FHDC1: variants seen among roughly 807,000 people sequenced by gnomAD.
FHDC1 encodes the protein FH2 domain-containing protein 1.
Under a neutral mutation model 52.6 loss-of-function variants are expected in FHDC1, and 25 were observed. The observed-to-expected ratio is 0.48, with a 90% CI of 0.35 to 0.66. The LOEUF is 0.66. FHDC1 is among the 30% of genes least tolerant of loss of function. The pLI is 0.01. For synonymous variants in FHDC1, 616 were observed against 581.5 expected (o/e 1.06, Z -0.85); for missense variants, 1,459 against 1,452.8 (o/e 1.00, Z -0.07).
In FHDC1 at chr4:152,967,977, T is replaced by C; in HGVS notation, c.1101-3T>C. The C allele has an allele frequency of 6.2e-7, 1 of 1,610,512 alleles. No homozygotes were observed. The highest frequency in any genetic ancestry group is 8.5e-7 in the Non-Finnish European group (1 of 1,178,348). Reference sequence around the variant, plus strand: ...CTGCCCACTCTCCCCTTTCTTCTTTTAGATTATCTCTGGAGAACACGGAGG... The same window carrying C: ...CTGCCCACTCTCCCCTTTCTTCTTTCAGATTATCTCTGGAGAACACGGAGG... On this transcript the variant is annotated splice_region_variant and splice_polypyrimidine_tract_variant and intron_variant, in intron 9 of 11. Transcript: ENST00000511601.
chr4:152,942,909 A>G lies in FHDC1; in HGVS notation c.-130-19A>G, dbSNP rs1484959509. The G allele has an allele frequency of 7.5e-6, 6 of 795,932 alleles. No individual in the cohort carries two copies. The Admixed American group carries it at 1.8e-4, about 24-fold the overall frequency. The allele number at this position is 795,932 out of a possible 1,614,324, so 49.3% of individuals were successfully genotyped here. A position where few individuals can be genotyped will look rare whatever the true frequency, so the allele number is the denominator to read the frequency against. On this transcript the variant is annotated intron_variant, in intron 1 of 11. Transcript: ENST00000511601. Reference sequence around the variant, plus strand: ...ACTGTTTGTCTGTAACTGATTTGATATTTATTTTATCTTGCTAGGTTTGGA... The same window carrying G: ...ACTGTTTGTCTGTAACTGATTTGATGTTTATTTTATCTTGCTAGGTTTGGA...
intron 2 of FHDC1, among the ~76,000 whole-genome samples, chr4:152,950,866 A>G (rs1324524524): frequency 6.6e-6 from 1 of 152,062 alleles, no homozygotes; most frequent in Non-Finnish European, 1.5e-5. Context: ...AAAAGGAGTC[A>G]GAGAGAACCA....
At chr4:152,927,659 C>A in the FHDC1 span, 14 of 1,592,894 alleles carry the variant, frequency 8.8e-6, no homozygotes, top group Non-Finnish European at 1.2e-5. Flanking sequence ...GTATGAGGAA[C>A]AGTTCAAATT....
At position 152,972,444 on chromosome 4, in the gene FHDC1, T is replaced by C; in HGVS notation, c.1286T>C (p.Leu429Pro). The change falls in exon 11 of 12, where the codon CTT becomes CCT. Residue 429 changes from leucine (L) to proline (P), a missense_variant. Leu to Pro is a moderately conservative substitution (Grantham distance 98). Coordinates refer to ENST00000511601, the MANE Select transcript of FHDC1 (RefSeq NM_001371116.1). ...GAGCTCCAGGATGAGGCCTACACCCTTATAGATTTTTTCTGTGAAGACAAA... is the reference window on the plus strand; with the variant it reads ...GAGCTCCAGGATGAGGCCTACACCCCTATAGATTTTTTCTGTGAAGACAAA... ...KQELQDEAYTLIDFFCEDKKT... is the reference protein window; with the variant it reads ...KQELQDEAYTPIDFFCEDKKT... 2.5e-6 allele frequency: 4 copies of C among 1,614,018 alleles called. No individual in the cohort carries two copies. Among genetic ancestry groups the C allele is most frequent in the Non-Finnish European group, 3.4e-6 (4 of 1,179,980 alleles).
the FHDC1 span, chr4:152,912,214 T>C: frequency 6.6e-6 from 1 of 152,238 alleles, no homozygotes; most frequent in African/African-American, 2.4e-5. Context: ...AAGAAAAAAG[T>C]AAATCAATAT....
the FHDC1 span, among the ~76,000 whole-genome samples, chr4:152,924,521 A>G: frequency 6.6e-6 from 1 of 152,202 alleles, no homozygotes; most frequent in East Asian, 1.9e-4. Flanking sequence ...TATATATCCA[A>G]AGGACTATAA....
At chr4:152,946,117 G>A (rs891834639) in intron 2 of FHDC1, among the ~76,000 whole-genome samples, 1 of 152,118 alleles carries the variant, frequency 6.6e-6, no homozygotes, top group African/African-American at 2.4e-5. Context: ...TTGTTTATCC[G>A]CTCATCTGTT....
the FHDC1 span, among the ~76,000 whole-genome samples, chr4:152,930,999 T>A: frequency 0.35 from 30,741 of 88,622 alleles, 2,844 homozygotes; most frequent in Admixed American, 0.43. Flanking sequence ...ACACACACAC[T>A]CTCTCTCTCT....
chr4:152,976,103 G>C lies in FHDC1; in HGVS notation c.2812G>C (p.Val938Leu), dbSNP rs1216383327. The change falls in exon 12 of 12, where the codon GTG becomes CTG. Residue 938 changes from valine to leucine, a missense_variant. Val to Leu is a conservative substitution (Grantham distance 32, BLOSUM62 1). Coordinates refer to ENST00000511601, the MANE Select transcript of FHDC1 (RefSeq NM_001371116.1). ...GAATCCCCCCAGCAGCACAGATACT[G>C]TGTGGTCACGCCAGAACTCCGTGCG... is the stretch of plus-strand genomic sequence containing the variant. ...SQNPPSSTDT[V>L]WSRQNSVRRA... The C allele has an allele frequency of 1.2e-6, 2 of 1,610,502 alleles. No homozygotes were observed. The highest frequency in any genetic ancestry group is 3.4e-5 in the Admixed American group (2 of 59,664).
At chr4:152,954,687 TA>T (rs1185602544) in intron 4 of FHDC1, among the ~76,000 whole-genome samples, 6 of 148,654 alleles carry the variant, frequency 4.0e-5, no homozygotes, top group Admixed American at 6.7e-5. Flanking sequence ...AATCTGTCTC[TA>T]AAAAAAAAAG....
In FHDC1 at chr4:152,943,234, T is replaced by TC; in HGVS notation, c.179dup (p.Pro61ThrfsTer33). On this transcript the variant is annotated frameshift_variant, in exon 2 of 12. Transcript: ENST00000511601. LOFTEE classifies it high-confidence loss of function. ...GGGAAGAGTGTCCTTCCTCCCCTCC[T>TC]CCACCCCCACCACCTCCACTTCCTG... is the stretch of plus-strand genomic sequence containing the variant. The TC allele has an allele frequency of 4.3e-5, 48 of 1,107,436 alleles. No homozygotes were observed. Among genetic ancestry groups the TC allele is most frequent in the Middle Eastern group, 2.7e-4 (1 of 3,692 alleles). The allele number at this position is 1,107,436 out of a possible 1,614,324, so 68.6% of individuals were successfully genotyped here.
Position 152,976,020 on chromosome 4 carries a change from A to G in FHDC1, c.2729A>G (p.Lys910Arg). The G allele has an allele frequency of 1.9e-6, 3 of 1,553,250 alleles. No individual in the cohort carries two copies. Among genetic ancestry groups the G allele is most frequent in the Non-Finnish European group, 2.6e-6 (3 of 1,154,276 alleles). Residue 910 changes from lysine (K) to arginine (R), a missense_variant, in exon 12 of 12, where the codon AAG (lysine) becomes AGG (arginine). Around this residue, in one of 3 missense-constraint regions of FHDC1, gnomAD observed 939 missense variants for 854.5 expected, o/e 1.10. Transcript: ENST00000511601. ...ATGCGCAAGGTCATGCCCATCACCAAGTCCAGCAGAGGCGCCGGCTGGAGG... is the reference window on the plus strand; with the variant it reads ...ATGCGCAAGGTCATGCCCATCACCAGGTCCAGCAGAGGCGCCGGCTGGAGG... ...ESMRKVMPIT[K>R]SSRGAGWRRP...
the FHDC1 span, among the ~76,000 whole-genome samples, chr4:152,913,712 C>G: frequency 3.3e-5 from 5 of 152,092 alleles, no homozygotes; most frequent in Admixed American, 6.5e-5. Context: ...CGGAGTTTCA[C>G]TCGTTGCCCA....
chr4:152,976,322 G>A lies in FHDC1; in HGVS notation c.3031G>A (p.Glu1011Lys). The change falls in exon 12 of 12, where the codon GAG becomes AAG. Residue 1011 changes from glutamate to lysine, a missense_variant. Coordinates refer to ENST00000511601, the MANE Select transcript of FHDC1 (RefSeq NM_001371116.1). ...CTGCCGCGCCCACTCCGAGGGCCCT[G>A]AGAGTCCCAAAGAAGAGCCCAAGAC... is the stretch of plus-strand genomic sequence containing the variant. ...KTCRAHSEGP[E>K]SPKEEPKTPS... 1 of 1,613,694 alleles carries A rather than the reference G, an allele frequency of 6.2e-7. No homozygotes were observed. The highest frequency in any genetic ancestry group is 8.5e-7 in the Non-Finnish European group (1 of 1,180,016).
the FHDC1 span, among the ~76,000 whole-genome samples, chr4:152,924,644 A>T: frequency 6.6e-6 from 1 of 152,200 alleles, no homozygotes; most frequent in Non-Finnish European, 1.5e-5. Context: ...GATTAAGAAA[A>T]TGTGGCACAT....
At chr4:152,952,963 C>T (rs1382657370) in intron 2 of FHDC1, among the ~76,000 whole-genome samples, 2 of 152,106 alleles carry the variant, frequency 1.3e-5, no homozygotes, top group Admixed American at 6.5e-5. Flanking sequence ...GAAACTCCAT[C>T]TCTACAAAAC....
chr4:152,952,020 GAAAAATGCA>G (rs1200501929), intron 2 of FHDC1, among the ~76,000 whole-genome samples: 1 of 151,998 alleles, frequency 6.6e-6, no homozygotes, highest in Non-Finnish European at 1.5e-5. Flanking sequence ...CCAGAGATCA[GAAAAATGCA>G]AAAACAAACA....
chr4:152,953,498 G>A lies in FHDC1; in HGVS notation c.499-1G>A. 1.2e-6 allele frequency: 2 copies of A among 1,604,398 alleles called. No individual in the cohort carries two copies. Among genetic ancestry groups the A allele is most frequent in the Non-Finnish European group, 1.7e-6 (2 of 1,176,564 alleles). Reference sequence around the variant, plus strand: ...CTATGTGTCCTTATTTTTTTTTCCAGATTACTATTTTGGATGCAAAACGGA... The same window carrying A: ...CTATGTGTCCTTATTTTTTTTTCCAAATTACTATTTTGGATGCAAAACGGA... On this transcript the variant is annotated splice_acceptor_variant, in intron 2 of 11. Coordinates refer to ENST00000511601, the MANE Select transcript of FHDC1 (RefSeq NM_001371116.1). LOFTEE classifies it high-confidence loss of function.
chr4:152,943,141 GACACCTCCTCCA>G lies in FHDC1; in HGVS notation c.85_96del (p.Thr29_Pro32del). On this transcript the variant is annotated inframe_deletion, in exon 2 of 12. Transcript: ENST00000511601. ...CAGCACCTGGATTCATGATTGGGCAGACACCTCCTCCAGCACCTCCTCCACCTCCTCCTCCAC... is the reference window on the plus strand; with the variant it reads ...CAGCACCTGGATTCATGATTGGGCAGGCACCTCCTCCACCTCCTCCTCCAC... The G allele has an allele frequency of 1.2e-6, 2 of 1,614,060 alleles. No individual in the cohort carries two copies. Among genetic ancestry groups the G allele is most frequent in the Non-Finnish European group, 1.7e-6 (2 of 1,179,996 alleles).
Sources: allele counts gnomAD v4.1 joint callset (sites outside exome capture counted in the v4.1 genomes callset), GRCh38; gene constraint gnomAD v4.1.1; regional missense constraint gnomAD v4.1.1; transcripts MANE v1.5; gene names NCBI Gene and HGNC (gene_info 2026-07-23, HGNC 2026-07-21).